PPFIBP2: variants seen among roughly 807,000 people sequenced by gnomAD.
PPFIBP2 encodes PPFIB scaffold protein 2.
A neutral mutation model predicts 118.3 loss-of-function variants in PPFIBP2; 118 were observed. That is an observed-to-expected ratio of 1.00 (90% CI 0.86 to 1.16). The LOEUF (loss-of-function observed/expected upper bound fraction) is 1.16. Among genes scored for constraint, PPFIBP2 ranks in the 50% most tolerant of loss-of-function variants. The pLI, the probability that PPFIBP2 is intolerant of heterozygous loss-of-function variation, is 0.00. For synonymous variants in PPFIBP2, 414 were observed against 397.4 expected, an observed-to-expected ratio of 1.04 and a Z score of -0.50; for missense variants, 1,195 against 1,073.1, an observed-to-expected ratio of 1.11 and a Z score of -1.59.
Position 7,628,325 on chromosome 11 carries a change from G to T in PPFIBP2, c.867G>T (p.Leu289Phe), listed in dbSNP as rs376451353. 6.2e-7 allele frequency: 1 copy of T among 1,613,826 alleles called. No individual in the cohort carries two copies. The highest frequency in any genetic ancestry group is 8.5e-7 in the Non-Finnish European group (1 of 1,179,916). Residue 289 changes from leucine (L) to phenylalanine (F), a missense_variant, in exon 9 of 24, where the codon TTG becomes TTT. Physicochemically the swap from Leu to Phe is conservative, Grantham distance 22 (BLOSUM62 0). Transcript: ENST00000299492. ...GTCTGAAAATGGGGATGGAAACTTTGCTGCTTGCCAATGAAGATAAGGTAA... is the reference window on the plus strand; with the variant it reads ...GTCTGAAAATGGGGATGGAAACTTTTCTGCTTGCCAATGAAGATAAGGTAA... ...IQRLKMGMET[L>F]LLANEDKDRR...
chr11:7,645,766 A>G (rs1289309649), intron 17 of PPFIBP2, among the ~76,000 whole-genome samples: 1 of 152,218 alleles, frequency 6.6e-6, no homozygotes, highest in Non-Finnish European at 1.5e-5. Context: ...GAGGTTTTCC[A>G]ATTATGATCT....
At chr11:7,525,479 G>C (rs1270902126) in intron 1 of PPFIBP2, among the ~76,000 whole-genome samples, 3 of 152,212 alleles carry the variant, frequency 2.0e-5, no homozygotes, top group African/African-American at 7.2e-5. Context: ...CAGGTGGGAA[G>C]TTGCATGCTC....
Position 7,540,301 on chromosome 11 carries a change from G to A in PPFIBP2, c.-36-9139G>A, listed in dbSNP as rs117673804. ...AGAAACTGGTTAGGAAGCCAGTGCA[G>A]CCACTCTGATGGGAGATGACGGCAG... On this transcript the variant is annotated intron_variant, in intron 1 of 23. Coordinates refer to ENST00000299492, the MANE Select transcript of PPFIBP2 (RefSeq NM_003621.5). 3.9e-4 allele frequency among the ~76,000 whole-genome samples: 59 copies of A among 152,286 alleles called. No individual in the cohort carries two copies. The East Asian group carries it at 0.01, about 26-fold the overall frequency.
At chr11:7,556,195 C>A (rs1467871265) in intron 2 of PPFIBP2, among the ~76,000 whole-genome samples, 5 of 152,158 alleles carry the variant, frequency 3.3e-5, no homozygotes, top group Non-Finnish European at 7.4e-5. Context: ...GTGGCTAACG[C>A]TTGTAATCCC....
intron 4 of PPFIBP2, among the ~76,000 whole-genome samples, chr11:7,594,773 C>T (rs1859960058): frequency 6.6e-6 from 1 of 151,860 alleles, no homozygotes; most frequent in South Asian, 2.1e-4. Flanking sequence ...AAAAATAAGC[C>T]AGGCATGGTG....
chr11:7,569,638 C>T (rs1165693387), intron 3 of PPFIBP2, among the ~76,000 whole-genome samples: 2 of 152,134 alleles, frequency 1.3e-5, no homozygotes, highest in African/African-American at 2.4e-5. Flanking sequence ...TGGGACCTGG[C>T]CTGCAGAGGA....
chr11:7,584,195 C>T (rs1857704472), intron 3 of PPFIBP2, among the ~76,000 whole-genome samples: 1 of 152,108 alleles, frequency 6.6e-6, no homozygotes, highest in Admixed American at 6.5e-5. Flanking sequence ...AGTGGGTGCT[C>T]AGGATTATTC....
In PPFIBP2 at chr11:7,641,555, TC is replaced by T. The variant is rs1272711549; in HGVS notation, c.1454del (p.Pro485LeufsTer5). On this transcript the variant is annotated frameshift_variant, in exon 16 of 24. Coordinates refer to ENST00000299492, the MANE Select transcript of PPFIBP2 (RefSeq NM_003621.5). LOFTEE classifies it high-confidence loss of function. ...SSTSSGTESG[P>X]QSPLTPDGKR... ...CCACATCATCGGGCACTGAATCAGG[TC>T]CTCAGTCTCCTCTGACACCAGATGG... The T allele has an allele frequency of 6.2e-7, 1 of 1,613,626 alleles. No homozygotes were observed. The highest frequency in any genetic ancestry group is 1.3e-5 in the African/African-American group (1 of 74,920).
At chr11:7,542,619 C>T (rs377544108) in intron 1 of PPFIBP2, among the ~76,000 whole-genome samples, 8 of 152,190 alleles carry the variant, frequency 5.3e-5, no homozygotes, top group African/African-American at 1.9e-4. Flanking sequence ...ATTATCTGTT[C>T]TTATTGAATT....
At chr11:7,606,829 T>TA (rs757719464) in intron 5 of PPFIBP2, among the ~76,000 whole-genome samples, 4 of 145,612 alleles carry the variant, frequency 2.7e-5, no homozygotes, top group African/African-American at 7.5e-5. Context: ...TATGAAACTT[T>TA]AAAAAATCAC....
chr11:7,584,232 C>T (rs1425309024), intron 3 of PPFIBP2, among the ~76,000 whole-genome samples: 6 of 152,134 alleles, frequency 3.9e-5, no homozygotes, highest in Non-Finnish European at 7.4e-5. Context: ...ACATTCATGA[C>T]GTGTGATGAT....
At chr11:7,546,522 C>T (rs944044628) in intron 1 of PPFIBP2, among the ~76,000 whole-genome samples, 5 of 152,286 alleles carry the variant, frequency 3.3e-5, no homozygotes, top group Non-Finnish European at 7.4e-5. Flanking sequence ...GTTTGACACC[C>T]TGTCATGTTT....
intron 1 of PPFIBP2, chr11:7,539,421 G>C (rs1181066307): frequency 6.6e-6 from 1 of 152,462 alleles, no homozygotes; most frequent in Admixed American, 6.5e-5. Flanking sequence ...ATCTGATCCT[G>C]TGGGGGTCGT....
chr11:7,545,897 C>T (rs1014473929), intron 1 of PPFIBP2, among the ~76,000 whole-genome samples: 1 of 152,158 alleles, frequency 6.6e-6, no homozygotes, highest in Non-Finnish European at 1.5e-5. Context: ...CGACTCCTAC[C>T]TTGGGGAGGA....
the PPFIBP2 span, among the ~76,000 whole-genome samples, chr11:7,663,462 GGGTCAGT>G: frequency 2.0e-5 from 3 of 152,156 alleles, no homozygotes; most frequent in Non-Finnish European, 2.9e-5. Flanking sequence ...GGCTGCTCAG[GGGTCAGT>G]GGTCAGGGAC....
chr11:7,526,680 G>A (rs775775356), intron 1 of PPFIBP2, among the ~76,000 whole-genome samples: 2 of 152,110 alleles, frequency 1.3e-5, no homozygotes, highest in Non-Finnish European at 2.9e-5. Context: ...AGACCATCCT[G>A]GCTAACACGG....
intron 1 of PPFIBP2, among the ~76,000 whole-genome samples, chr11:7,538,077 C>T (rs151150005): frequency 9.2e-5 from 14 of 152,244 alleles, no homozygotes; most frequent in African/African-American, 2.4e-4. Context: ...CAAGCAAATA[C>T]GGTGAAGGAA....
At chr11:7,664,530 C>T in the PPFIBP2 span, among the ~76,000 whole-genome samples, 1 of 152,226 alleles carries the variant, frequency 6.6e-6, no homozygotes, top group Non-Finnish European at 1.5e-5. Flanking sequence ...CTGTAGCTGA[C>T]AACCAACATG....
chr11:7,537,421 G>A (rs1851323395), intron 1 of PPFIBP2, among the ~76,000 whole-genome samples: 1 of 152,208 alleles, frequency 6.6e-6, no homozygotes, highest in Non-Finnish European at 1.5e-5. Flanking sequence ...CACACAGGTG[G>A]ATATTGCACA....
Sources: allele counts gnomAD v4.1 joint callset (sites outside exome capture counted in the v4.1 genomes callset), GRCh38; gene constraint gnomAD v4.1.1; transcripts MANE v1.5; gene names NCBI Gene and HGNC (gene_info 2026-07-23, HGNC 2026-07-21).